Variants in GSE1 observed in about 807,000 individuals in gnomAD.
The protein encoded by GSE1 is Gse1 coiled-coil protein.
Under a neutral mutation model 112.6 loss-of-function variants are expected in GSE1, and 32 were observed. The observed-to-expected ratio is 0.28, with a 90% CI of 0.21 to 0.38. The LOEUF is 0.38. Ranked by LOEUF, GSE1 falls within the 10% of genes least tolerant of loss-of-function variation. The pLI, the probability that GSE1 is intolerant of heterozygous loss-of-function variation, is 1.00. For synonymous variants in GSE1, 1,115 were observed against 735.6 expected, an observed-to-expected ratio of 1.52 and a Z score of -8.35; for missense variants, 2,348 against 1,699.2, an observed-to-expected ratio of 1.38 and a Z score of -6.71.
chr16:85,552,938 G>A (rs2151244000), upstream of GSE1, among the ~76,000 whole-genome samples: 1 of 152,364 alleles, frequency 6.6e-6, no homozygotes, highest in Admixed American at 6.5e-5. Flanking sequence ...ATACAGTGGA[G>A]GAAGGTTTAG....
intron 2 of GSE1, among the ~76,000 whole-genome samples, chr16:85,500,561 G>A (rs777465829): frequency 6.6e-6 from 1 of 152,236 alleles, no homozygotes; most frequent in East Asian, 1.9e-4. Context: ...GAGGCACGTC[G>A]TGGCAGTGAT....
chr16:85,463,945 T>A (rs988511126), intron 2 of GSE1, among the ~76,000 whole-genome samples: 5 of 152,056 alleles, frequency 3.3e-5, no homozygotes, highest in Non-Finnish European at 7.4e-5. Flanking sequence ...GCTACCAAGG[T>A]CCCTTTGGGG....
At chr16:85,239,450 C>T (rs1268732260) in intron 1 of GSE1, among the ~76,000 whole-genome samples, 1 of 152,214 alleles carries the variant, frequency 6.6e-6, no homozygotes, top group Non-Finnish European at 1.5e-5. Flanking sequence ...GGACCGTCTG[C>T]TTCAAGAGCT....
intron 2 of GSE1, among the ~76,000 whole-genome samples, chr16:85,461,614 C>T (rs1455730191): frequency 6.6e-6 from 1 of 152,182 alleles, no homozygotes; most frequent in Non-Finnish European, 1.5e-5. Context: ...CTTGACTTGT[C>T]ATAAGAATCG....
chr16:85,468,314 T>C (rs1483923196), intron 2 of GSE1, among the ~76,000 whole-genome samples: 2 of 139,744 alleles, frequency 1.4e-5, no homozygotes, highest in African/African-American at 2.7e-5. Flanking sequence ...CTTCTTTCCT[T>C]TTTTTTTTTT....
intron 2 of GSE1, among the ~76,000 whole-genome samples, chr16:85,481,478 C>T (rs543747585): frequency 2.6e-5 from 4 of 152,264 alleles, no homozygotes; most frequent in African/African-American, 9.6e-5. Context: ...GTAAGAGGAA[C>T]CTTGCCAAGG....
intron 1 of GSE1, among the ~76,000 whole-genome samples, chr16:85,205,533 G>A (rs2075100074): frequency 6.6e-6 from 1 of 152,234 alleles, no homozygotes; most frequent in African/African-American, 2.4e-5. Context: ...AGCAGGCTGG[G>A]CTTTGTGTCT....
intron 5 of GSE1, among the ~76,000 whole-genome samples, chr16:85,655,437 C>T (rs759116239): frequency 2.2e-4 from 33 of 152,214 alleles, no homozygotes; most frequent in Non-Finnish European, 2.5e-4. Context: ...GCAGCCCAGC[C>T]TGCTCGCCAG....
At chr16:85,215,421 G>T (rs1410049470) in intron 1 of GSE1, among the ~76,000 whole-genome samples, 1 of 152,086 alleles carries the variant, frequency 6.6e-6, no homozygotes, top group African/African-American at 2.4e-5. Flanking sequence ...GTTGTGGGGG[G>T]GCCAGGGATA....
chr16:85,608,993 A>G (rs1337137364), upstream of GSE1, among the ~76,000 whole-genome samples: 1 of 152,214 alleles, frequency 6.6e-6, no homozygotes, highest in Non-Finnish European at 1.5e-5. Flanking sequence ...AGAACCAGAA[A>G]GAACGTGTCC....
chr16:85,512,324 C>G (rs1447543399), intron 2 of GSE1, among the ~76,000 whole-genome samples: 1 of 152,178 alleles, frequency 6.6e-6, no homozygotes, highest in Non-Finnish European at 1.5e-5. Context: ...CAGGACCAGC[C>G]AGGCACCCAG....
chr16:85,425,217 T>C (rs2048944107), intron 2 of GSE1, among the ~76,000 whole-genome samples: 1 of 148,752 alleles, frequency 6.7e-6, no homozygotes, highest in Admixed American at 6.8e-5. Context: ...CGATAGAAGC[T>C]GCTTGAGGCA....
chr16:85,261,513 T>A (rs4273027), intron 1 of GSE1, among the ~76,000 whole-genome samples: 42,601 of 152,130 alleles, frequency 0.28, 6,041 homozygotes, highest in East Asian at 0.31. Flanking sequence ...GCAGTCCAGC[T>A]GGTTCTGACT....
intron 2 of GSE1, among the ~76,000 whole-genome samples, chr16:85,487,099 C>G (rs1054634055): frequency 1.3e-5 from 2 of 152,054 alleles, no homozygotes; most frequent in African/African-American, 4.8e-5. Flanking sequence ...GGCTGCCGTG[C>G]CCCAGCGGAT....
rs1301271590 is a variant in GSE1 at position 85,229,659 on chromosome 16, A to G, written c.2283+57852A>G. On this transcript the variant is annotated intron_variant, in intron 1 of 2. Transcript: ENST00000637419. ...ATTTGAACCCAGGCAGGTTGGCTCC[A>G]GAAGCCGTGCTCTTAACTGCTTCAA... 2.6e-5 allele frequency among the ~76,000 whole-genome samples: 4 copies of G among 152,268 alleles called. No individual in the cohort carries two copies. In the East Asian group the frequency reaches 5.8e-4, roughly 22 times the overall value.
intron 2 of GSE1, among the ~76,000 whole-genome samples, chr16:85,384,970 C>T (rs538866885): frequency 6.6e-6 from 1 of 152,268 alleles, no homozygotes; most frequent in South Asian, 2.1e-4. Flanking sequence ...GCGTGCTGTG[C>T]ACACCTGCCC....
At chr16:85,218,857 C>T (rs1171870171) in intron 1 of GSE1, among the ~76,000 whole-genome samples, 1 of 152,160 alleles carries the variant, frequency 6.6e-6, no homozygotes, top group African/African-American at 2.4e-5. Context: ...CATGTCCTTC[C>T]TATGTATTCT....
chr16:85,649,933 G>C (rs1419057101), intron 3 of GSE1, among the ~76,000 whole-genome samples: 1 of 152,138 alleles, frequency 6.6e-6, no homozygotes, highest in Non-Finnish European at 1.5e-5. Context: ...GACAGCCCCC[G>C]GGCAGGCCCT....
intron 1 of GSE1, among the ~76,000 whole-genome samples, chr16:85,181,523 C>T (rs1369190924): frequency 6.6e-6 from 1 of 152,204 alleles, no homozygotes; most frequent in Non-Finnish European, 1.5e-5. Context: ...CAGGAGGCCG[C>T]CGTGCTCTCT....
Sources: gnomAD v4.1 joint callset for allele counts (sites outside exome capture counted in the v4.1 genomes callset) on GRCh38, gnomAD v4.1.1 for gene constraint, MANE v1.5 for transcripts, NCBI Gene and HGNC (gene_info 2026-07-23, HGNC 2026-07-21) for gene names.